Variants in LRGUK observed in about 807,000 individuals in gnomAD.
LRGUK encodes the protein leucine-rich repeat and guanylate kinase domain-containing protein.
In LRGUK, 65 loss-of-function variants were observed where a neutral mutation model predicts 76.0. That is an observed-to-expected ratio of 0.85 (90% confidence interval 0.70 to 1.05). The LOEUF (loss-of-function observed/expected upper bound fraction) is 1.05, where lower values mean the gene tolerates loss of function less well. LRGUK is among the 50% of genes least tolerant of loss of function. The pLI is 0.00. For missense variants in LRGUK, 758 were observed against 732.8 expected, an observed-to-expected ratio of 1.03 and a Z score of -0.40; for synonymous variants, 268 against 265.6, an observed-to-expected ratio of 1.01 and a Z score of -0.09.
chr7:134,239,774 A>C (rs753204804), intron 16 of LRGUK, among the ~76,000 whole-genome samples: 38 of 152,340 alleles, frequency 2.5e-4, no homozygotes, highest in Non-Finnish European at 4.9e-4. Context: ...CTGACCCCCG[A>C]GTAGCCTAAC....
intron 16 of LRGUK, among the ~76,000 whole-genome samples, chr7:134,242,847 T>C (rs1251464259): frequency 2.0e-5 from 3 of 152,164 alleles, no homozygotes; most frequent in African/African-American, 7.2e-5. Context: ...TCATAAAGCT[T>C]ATCCACCACG....
intron 7 of LRGUK, among the ~76,000 whole-genome samples, chr7:134,172,947 A>T (rs2116975277): frequency 6.6e-6 from 1 of 152,258 alleles, no homozygotes; most frequent in South Asian, 2.1e-4. Context: ...TGATCATACT[A>T]CTGCACCCCA....
rs543883053 is a variant in LRGUK, at chr7:134,131,077, G to T, written c.297+3413G>T. ...TTCATTGAACAAGCATTTACTGAAT[G>T]ATTGCTATGCAGAAAGCACTCGTTG... On this transcript the variant is annotated intron_variant, in intron 1 of 15. Coordinates refer to ENST00000645682, the Ensembl canonical transcript of LRGUK. Among the ~76,000 whole-genome samples, 8 of 152,334 alleles carry T rather than the reference G, an allele frequency of 5.3e-5. No homozygotes were observed. The East Asian group carries it at 1.5e-3, about 29-fold the overall frequency.
At chr7:134,142,636 CTT>C (rs1251866650) in intron 3 of LRGUK, among the ~76,000 whole-genome samples, 1 of 152,184 alleles carries the variant, frequency 6.6e-6, no homozygotes, top group Non-Finnish European at 1.5e-5. Context: ...CATTTCCACT[CTT>C]TATGAAAAGA....
chr7:134,212,520 T>C (rs998125183), downstream of LRGUK, among the ~76,000 whole-genome samples: 1 of 152,232 alleles, frequency 6.6e-6, no homozygotes, highest in Non-Finnish European at 1.5e-5. Flanking sequence ...AGGAAACTGA[T>C]ATTTTAGAAA....
exon 1 of LRGUK, chr7:134,127,484 G>T: frequency 6.2e-7 from 1 of 1,614,132 alleles, no homozygotes. Flanking sequence ...AAGAGCGTCA[G>T]CCTTGCTGGT....
intron 1 of LRGUK, among the ~76,000 whole-genome samples, chr7:134,130,030 C>T (rs1430426909): frequency 1.3e-5 from 2 of 152,098 alleles, no homozygotes; most frequent in Non-Finnish European, 2.9e-5. Context: ...TCCTTCTGTT[C>T]ACTTTCAACA....
chr7:134,220,901 G>A (rs1007677262), intron 15 of LRGUK, among the ~76,000 whole-genome samples: 1 of 152,012 alleles, frequency 6.6e-6, no homozygotes, highest in African/African-American at 2.4e-5. Context: ...GCATGCAGGG[G>A]CTGTGGCTTC....
chr7:134,154,904 T>G (rs1007333478), intron 5 of LRGUK, among the ~76,000 whole-genome samples: 1 of 152,186 alleles, frequency 6.6e-6, no homozygotes, highest in African/African-American at 2.4e-5. Flanking sequence ...AAACAAGCTT[T>G]CCTTTTTGAT....
intron 16 of LRGUK, among the ~76,000 whole-genome samples, chr7:134,246,102 T>A (rs1391213792): frequency 6.6e-6 from 1 of 152,232 alleles, no homozygotes; most frequent in African/African-American, 2.4e-5. Context: ...TCATGTGTCA[T>A]GGTCTCTAAG....
rs71172442 is a variant in LRGUK at position 134,199,982 on chromosome 7, TTATATATATATATATATATATA to T, written c.1747+587_1747+608del. Among the ~76,000 whole-genome samples, 187 of 38,416 alleles carry T rather than the reference TTATATATATATATATATATATA, an allele frequency of 4.9e-3. 2 individuals are homozygous for T. Among genetic ancestry groups the T allele is most frequent in the Middle Eastern group, 0.042 (2 of 48 alleles). The allele number at this position is 38,416 out of a possible 152,430, so 25.2% of individuals were successfully genotyped here. On this transcript the variant is annotated intron_variant, in intron 14 of 15. Transcript: ENST00000645682. Reference sequence around the variant, plus strand: ...TTCTATAGATATATTCTAGAAACTTTTATATATATATATATATATATATATATATATATATATATATATATAT... The same window carrying T: ...TTCTATAGATATATTCTAGAAACTTTTATATATATATATATATATATATAT...
chr7:134,137,171 C>A, intron 2 of LRGUK, 41 bp downstream of exon 2: 1 of 1,408,102 alleles, frequency 7.1e-7, no homozygotes, highest in East Asian at 2.3e-5. Context: ...TACAGCTTGA[C>A]ACTGGCTAGA....
In LRGUK at chr7:134,248,949, A is replaced by G. The variant is rs540669004; in HGVS notation, c.2073-2A>G. 3 of 1,450,292 alleles carry G rather than the reference A, an allele frequency of 2.1e-6. No homozygotes were observed. Among genetic ancestry groups the G allele is most frequent in the Non-Finnish European group, 2.7e-6 (3 of 1,094,664 alleles). The allele number at this position is 1,450,292 out of a possible 1,614,324, so 89.8% of individuals were successfully genotyped here. A position where few individuals can be genotyped will look rare whatever the true frequency, so the allele number is the denominator to read the frequency against. On this transcript the variant is annotated splice_acceptor_variant, in intron 17 of 19. Transcript: ENST00000285928. LOFTEE classifies it high-confidence loss of function. ...TTTTTTTTTTTAAATTTCCCATTCC[A>G]GGGGTCCAGTACCAGCACCTCTCAC... is the stretch of plus-strand genomic sequence containing the variant.
chr7:134,210,386 A>G (rs1410414321), downstream of LRGUK: 1 of 397,592 alleles, frequency 2.5e-6, no homozygotes. Context: ...AGAAGATTAA[A>G]AAAAACATAA....
At chr7:134,192,044 T>C (rs1340479272) in intron 12 of LRGUK, among the ~76,000 whole-genome samples, 1 of 152,230 alleles carries the variant, frequency 6.6e-6, no homozygotes, top group Non-Finnish European at 1.5e-5. Flanking sequence ...GATCTGTGCT[T>C]ATCAGTTGCT....
At position 134,137,022 on chromosome 7, in the gene LRGUK, G is replaced by A; in HGVS notation, c.298-1G>A. Reference sequence around the variant, plus strand: ...TGTCTACCTTTCTGGGTTTTTTACAGGAGGAATTTGATGGGGTCCTGAGAG... The same window carrying A: ...TGTCTACCTTTCTGGGTTTTTTACAAGAGGAATTTGATGGGGTCCTGAGAG... On this transcript the variant is annotated splice_acceptor_variant, in intron 1 of 15. Coordinates refer to ENST00000645682, the Ensembl canonical transcript of LRGUK. LOFTEE classifies it high-confidence loss of function. 6.2e-7 allele frequency: 1 copy of A among 1,610,696 alleles called. No homozygotes were observed. Among genetic ancestry groups the A allele is most frequent in the East Asian group, 2.2e-5 (1 of 44,868 alleles).
chr7:134,223,112 A>C (rs975164734), intron 16 of LRGUK, among the ~76,000 whole-genome samples: 1 of 152,056 alleles, frequency 6.6e-6, no homozygotes, highest in Admixed American at 6.6e-5. Flanking sequence ...CCCTGCTTCT[A>C]TTTCCTGCAT....
At chr7:134,227,961 A>G (rs1325094372) in intron 16 of LRGUK, among the ~76,000 whole-genome samples, 6 of 152,178 alleles carry the variant, frequency 3.9e-5, no homozygotes, top group South Asian at 2.1e-4. Context: ...ACAAGATTTG[A>G]AGAAATAATG....
At chr7:134,160,605 C>A (rs1231300706) in intron 6 of LRGUK, among the ~76,000 whole-genome samples, 7 of 152,104 alleles carry the variant, frequency 4.6e-5, no homozygotes, top group African/African-American at 1.4e-4. Flanking sequence ...ACTGTTAATT[C>A]TCGAATGTCA....
Sources: gnomAD v4.1 joint callset for allele counts (sites outside exome capture counted in the v4.1 genomes callset) on GRCh38, gnomAD v4.1.1 for gene constraint, MANE v1.5 for transcripts, NCBI Gene and HGNC (gene_info 2026-07-23, HGNC 2026-07-21) for gene names.